The following NUMB variants were observed in gnomAD, a reference collection of about 807,000 sequenced individuals.
NUMB encodes NUMB endocytic adaptor protein, also known as protein numb homolog.
NUMB carries 29 observed loss-of-function variants against 59.7 expected under a neutral mutation model. The ratio of observed to expected loss-of-function variants is 0.49; its 90% confidence interval spans 0.36 to 0.66. The LOEUF is 0.66. NUMB is among the 30% of genes least tolerant of loss of function. The pLI is 0.00. For missense variants in NUMB, 723 were observed against 822.0 expected (o/e 0.88, Z 1.47); for synonymous variants, 288 against 288.2 (o/e 1.00, Z 0.01).
chr14:73,285,279 A>T (rs1358545432), intron 9 of NUMB: 1 of 152,208 alleles, frequency 6.6e-6, no homozygotes, highest in Non-Finnish European at 1.5e-5. Flanking sequence ...TGATTGTGAC[A>T]AATCTCAACC....
At position 73,275,314 on chromosome 14, in the gene NUMB, G is replaced by C. The variant is rs910804437; in HGVS notation, c.*1264C>G. 1 of 152,498 alleles carries C rather than the reference G, an allele frequency of 6.6e-6. No homozygotes were observed. The highest frequency in any genetic ancestry group is 1.5e-5 in the Non-Finnish European group (1 of 68,004). The allele number at this position is 152,498 out of a possible 1,614,324, so 9.4% of individuals were successfully genotyped here. ...TTGATTGTAAGGCCAACGTTCAAAA[G>C]TAAAAATGAGATGAGCTCTCTTATT... On this transcript the variant is annotated 3_prime_UTR_variant, in exon 13 of 13. Transcript: ENST00000555238.
At chr14:73,347,241 T>C (rs1173752990) in intron 4 of NUMB, among the ~76,000 whole-genome samples, 1 of 152,194 alleles carries the variant, frequency 6.6e-6, no homozygotes, top group Non-Finnish European at 1.5e-5. Context: ...CTATCTTTGC[T>C]ACTACTCTGC....
intron 6 of NUMB, among the ~76,000 whole-genome samples, chr14:73,300,597 T>A (rs948302019): frequency 3.3e-5 from 5 of 152,220 alleles, no homozygotes; most frequent in African/African-American, 9.6e-5. Flanking sequence ...TTAACTTCTC[T>A]ATGCTTCACT....
intron 2 of NUMB, among the ~76,000 whole-genome samples, chr14:73,401,633 G>A (rs1441403195): frequency 7.3e-6 from 1 of 136,686 alleles, no homozygotes; most frequent in Non-Finnish European, 1.5e-5. Context: ...GCAGTGGCAT[G>A]ACCTTGGCTC....
At chr14:73,456,017 C>CA (rs1324724124) in intron 1 of NUMB, among the ~76,000 whole-genome samples, 8 of 152,036 alleles carry the variant, frequency 5.3e-5, no homozygotes, top group Non-Finnish European at 1.0e-4. Context: ...GTTCCAGAGT[C>CA]AGAGGCATAA....
At chr14:73,323,013 C>T (rs1310734805) in intron 5 of NUMB, 117 bp downstream of exon 5, 2 of 729,218 alleles carry the variant, frequency 2.7e-6, no homozygotes, top group Non-Finnish European at 4.5e-6. Flanking sequence ...ATTAGCAAGC[C>T]CACATCTTTT....
intron 11 of NUMB, chr14:73,281,420 A>C (rs963901909): frequency 4.6e-5 from 7 of 152,224 alleles, no homozygotes; most frequent in African/African-American, 1.7e-4. Flanking sequence ...GTCATTTGGT[A>C]CACATGACTA....
intron 3 of NUMB, 49 bp from the exon 4 acceptor site, chr14:73,355,815 A>G: frequency 6.9e-7 from 1 of 1,458,574 alleles, no homozygotes; most frequent in Admixed American, 2.0e-5. Flanking sequence ...ACCTTCTTAC[A>G]TATTTAAACT....
At chr14:73,407,755 TC>T (rs1299557495) in intron 2 of NUMB, among the ~76,000 whole-genome samples, 1 of 152,178 alleles carries the variant, frequency 6.6e-6, no homozygotes, top group Non-Finnish European at 1.5e-5. Flanking sequence ...TATTGTCCAT[TC>T]CTATAGTGCA....
At chr14:73,343,480 C>G (rs1353178168) in intron 4 of NUMB, among the ~76,000 whole-genome samples, 1 of 152,164 alleles carries the variant, frequency 6.6e-6, no homozygotes, top group Non-Finnish European at 1.5e-5. Flanking sequence ...ACCAGCTTCC[C>G]CGCTGGAAGA....
intron 4 of NUMB, among the ~76,000 whole-genome samples, chr14:73,350,042 CACATACATACAT>C (rs1348724807): frequency 2.1e-5 from 3 of 145,626 alleles, no homozygotes; most frequent in African/African-American, 8.1e-5. Context: ...GGCTCTGTCT[CACATACATACAT>C]ACATATATAC....
intron 6 of NUMB, among the ~76,000 whole-genome samples, chr14:73,302,445 C>T (rs1038367223): frequency 2.7e-5 from 4 of 147,028 alleles, no homozygotes; most frequent in South Asian, 2.2e-4. Flanking sequence ...CTTACTCTGT[C>T]GCCCAGGCTG....
chr14:73,278,064 A>AAAC (rs1888320008), intron 12 of NUMB, among the ~76,000 whole-genome samples: 1 of 151,308 alleles, frequency 6.6e-6, no homozygotes, highest in Non-Finnish European at 1.5e-5. Context: ...AAAAAAAAAA[A>AAAC]AAAACACCTA....
chr14:73,304,273 T>TTTTC (rs1890303109), intron 6 of NUMB, among the ~76,000 whole-genome samples: 1 of 151,896 alleles, frequency 6.6e-6, no homozygotes, highest in Admixed American at 6.6e-5. Flanking sequence ...TCTCCAGGCT[T>TTTTC]TGTTTCTTTA....
chr14:73,421,861 G>A (rs112156542), intron 1 of NUMB, among the ~76,000 whole-genome samples: 257 of 152,210 alleles, frequency 1.7e-3, no homozygotes, highest in African/African-American at 6.0e-3. Flanking sequence ...AGTATAGGCC[G>A]GGTACCGTGG....
intron 3 of NUMB, among the ~76,000 whole-genome samples, chr14:73,361,387 T>C (rs1202358765): frequency 6.6e-6 from 1 of 152,236 alleles, no homozygotes; most frequent in Non-Finnish European, 1.5e-5. Context: ...TTCACTAATA[T>C]AAATATGTCA....
chr14:73,424,716 T>C (rs1466767010), intron 1 of NUMB, among the ~76,000 whole-genome samples: 1 of 152,218 alleles, frequency 6.6e-6, no homozygotes, highest in African/African-American at 2.4e-5. Flanking sequence ...CAGAATGATA[T>C]ACTCAGGTTT....
At chr14:73,286,190 A>ATTTTTTTTTTTT (rs55711968) in intron 9 of NUMB, 11 of 72,124 alleles carry the variant, frequency 1.5e-4, no homozygotes, top group African/African-American at 5.6e-4. Flanking sequence ...AAATATGGCA[A>ATTTTTTTTTTTT]TTTTTTTTTT....
chr14:73,353,089 T>C (rs112189996), intron 4 of NUMB, among the ~76,000 whole-genome samples: 1 of 114,026 alleles, frequency 8.8e-6, no homozygotes, highest in South Asian at 3.1e-4. Context: ...TTTTTTTTTT[T>C]TTTTTTTTTT....
Sources: allele counts gnomAD v4.1 joint callset (sites outside exome capture counted in the v4.1 genomes callset), GRCh38; gene constraint gnomAD v4.1.1; transcripts MANE v1.5; gene names NCBI Gene and HGNC (gene_info 2026-07-23, HGNC 2026-07-21).